Variants in PEX7 observed in about 807,000 individuals in gnomAD.
PEX7 encodes peroxisomal biogenesis factor 7.
Under a neutral mutation model 47.5 loss-of-function variants are expected in PEX7, and 34 were observed. That is an observed-to-expected ratio of 0.72 (90% CI 0.54 to 0.95). The LOEUF (loss-of-function observed/expected upper bound fraction) is 0.95, where lower values mean the gene tolerates loss of function less well. PEX7 is among the 40% of genes least tolerant of loss of function. PEX7 has a pLI of 0.00. For missense variants in PEX7, 394 were observed against 400.3 expected (o/e 0.98, Z 0.13); for synonymous variants, 141 against 148.8 (o/e 0.95, Z 0.38).
At chr6:136,881,990 TAAG>T (rs1288773299) in intron 8 of PEX7, among the ~76,000 whole-genome samples, 3 of 152,136 alleles carry the variant, frequency 2.0e-5, no homozygotes, top group African/African-American at 4.8e-5. Flanking sequence ...AACAGAAAGT[TAAG>T]AAGATATTTG....
chr6:136,861,739 G>A (rs1166693993), intron 5 of PEX7, among the ~76,000 whole-genome samples: 1 of 151,526 alleles, frequency 6.6e-6, no homozygotes, highest in Non-Finnish European at 1.5e-5. Flanking sequence ...GGGAAGGGCT[G>A]TTTGAAAGGC....
intron 1 of PEX7, among the ~76,000 whole-genome samples, chr6:136,824,199 TC>T (rs1774143654): frequency 1.3e-5 from 2 of 152,296 alleles, no homozygotes; most frequent in African/African-American, 4.8e-5. Context: ...TTTCTTTTTT[TC>T]TTTTTTCTTT....
intron 5 of PEX7, among the ~76,000 whole-genome samples, chr6:136,862,218 C>T (rs1431171133): frequency 6.6e-6 from 1 of 151,196 alleles, no homozygotes; most frequent in Non-Finnish European, 1.5e-5. Flanking sequence ...AGGCGTGTGC[C>T]ACCATGCCTG....
intron 9 of PEX7, among the ~76,000 whole-genome samples, chr6:136,902,878 A>C (rs1399013868): frequency 2.0e-5 from 3 of 152,076 alleles, no homozygotes; most frequent in Non-Finnish European, 4.4e-5. Flanking sequence ...TTATTATTTT[A>C]ATCTCTTTTA....
At chr6:136,841,879 C>A (rs1043145039) in intron 3 of PEX7, among the ~76,000 whole-genome samples, 12 of 151,290 alleles carry the variant, frequency 7.9e-5, no homozygotes, top group East Asian at 7.8e-4. Flanking sequence ...AGCCACCGTG[C>A]CTGGTGTAAT....
chr6:136,898,030 G>A (rs180791083), intron 8 of PEX7, 112 bp from the exon 9 acceptor site: 1 of 691,012 alleles, frequency 1.4e-6, no homozygotes, highest in East Asian at 2.9e-5. Context: ...TTTATGAATT[G>A]GCTGAGCCTG....
At chr6:136,857,230 T>G (rs1490016297) in intron 5 of PEX7, among the ~76,000 whole-genome samples, 1 of 152,246 alleles carries the variant, frequency 6.6e-6, no homozygotes, top group Non-Finnish European at 1.5e-5. Context: ...TTTGCTTCAC[T>G]TGTTTTCATA....
chr6:136,852,264 C>T (rs1210706946), intron 5 of PEX7, among the ~76,000 whole-genome samples: 3 of 151,674 alleles, frequency 2.0e-5, no homozygotes. Context: ...CAGGGATGCC[C>T]TCTCTCACCG....
intron 1 of PEX7, chr6:136,823,334 C>T: frequency 4.1e-6 from 4 of 985,436 alleles, no homozygotes; most frequent in Non-Finnish European, 4.8e-6. Flanking sequence ...ATATCAAGTT[C>T]AGTTCTTACC....
At chr6:136,869,171 G>A (rs989065478) in intron 6 of PEX7, among the ~76,000 whole-genome samples, 19 of 151,838 alleles carry the variant, frequency 1.3e-4, no homozygotes, top group Non-Finnish European at 2.2e-4. Context: ...GTGATCCACC[G>A]GCCTTGGCCT....
At chr6:136,910,808 T>C (rs1333905740) in intron 9 of PEX7, among the ~76,000 whole-genome samples, 1 of 152,232 alleles carries the variant, frequency 6.6e-6, no homozygotes. Context: ...TCATCTTTCA[T>C]TTTACTGCCT....
chr6:136,827,901 A>G (rs1582733956), intron 3 of PEX7, among the ~76,000 whole-genome samples: 1 of 151,866 alleles, frequency 6.6e-6, no homozygotes, highest in Non-Finnish European at 1.5e-5. Flanking sequence ...TATGTTGCCC[A>G]GGCTAGTTTT....
At chr6:136,828,637 CCTT>C (rs1256814801) in intron 3 of PEX7, among the ~76,000 whole-genome samples, 2 of 152,214 alleles carry the variant, frequency 1.3e-5, no homozygotes, top group African/African-American at 4.8e-5. Flanking sequence ...CGTCTTTCAT[CCTT>C]CTGATAGCCT....
intron 8 of PEX7, among the ~76,000 whole-genome samples, chr6:136,880,233 TTATATC>T (rs1775353224): frequency 1.3e-5 from 2 of 152,142 alleles, no homozygotes; most frequent in African/African-American, 4.8e-5. Flanking sequence ...TTTTGTCTCT[TTATATC>T]TGTGGACAGG....
chr6:136,893,191 G>A (rs935838397), intron 8 of PEX7, among the ~76,000 whole-genome samples: 5 of 151,140 alleles, frequency 3.3e-5, no homozygotes, highest in Admixed American at 2.6e-4. Context: ...TCCTTCAGTG[G>A]CTTTTTTTTT....
At position 136,898,251 on chromosome 6, in the gene PEX7, A is replaced by G. The variant is rs747530925; in HGVS notation, c.903+10A>G. ...TCAGAGCCCCACTCAGGTAACGGAT[A>G]CAATCTCATGATATTCTCTTCTGCC... On this transcript the variant is annotated intron_variant, in intron 9 of 9. Coordinates refer to ENST00000318471, the MANE Select transcript of PEX7 (RefSeq NM_000288.4). 2.2e-5 allele frequency: 33 copies of G among 1,475,366 alleles called. No individual in the cohort carries two copies. The highest frequency in any genetic ancestry group is 3.0e-5 in the Non-Finnish European group (32 of 1,053,726). 91.4% of individuals were successfully genotyped at this position (1,475,366 alleles called of 1,614,324 possible).
chr6:136,897,696 A>G (rs58248997), intron 8 of PEX7, among the ~76,000 whole-genome samples: 68 of 152,332 alleles, frequency 4.5e-4, no homozygotes, highest in African/African-American at 1.4e-3. Context: ...AAGATCTTTC[A>G]TGTCAATTGT....
chr6:136,872,279 T>C (rs764258723), intron 8 of PEX7, 26 bp downstream of exon 8: 2 of 1,570,548 alleles, frequency 1.3e-6, no homozygotes, highest in South Asian at 1.1e-5. Context: ...ATACATTTCA[T>C]TGTGAAATAC....
At chr6:136,870,029 T>A (rs1327863941) in intron 7 of PEX7, 26 bp downstream of exon 7, 2 of 1,353,402 alleles carry the variant, frequency 1.5e-6, no homozygotes, top group Non-Finnish European at 1.1e-6. Context: ...TTCTTTTATA[T>A]GTAGAATAAA....
Sources: gnomAD v4.1 joint callset for allele counts (sites outside exome capture counted in the v4.1 genomes callset) on GRCh38, gnomAD v4.1.1 for gene constraint, MANE v1.5 for transcripts, NCBI Gene and HGNC (gene_info 2026-07-23, HGNC 2026-07-21) for gene names.